USP47: variants seen among roughly 807,000 people sequenced by gnomAD.
USP47 encodes ubiquitin specific peptidase 47, also known as ubiquitin carboxyl-terminal hydrolase 47.
A neutral mutation model predicts 165.1 loss-of-function variants in USP47; 35 were observed. The observed-to-expected ratio is 0.21, with a 90% CI of 0.16 to 0.28. The LOEUF (loss-of-function observed/expected upper bound fraction) is 0.28. Ranked by LOEUF, USP47 falls within the 10% of genes least tolerant of loss-of-function variation. The pLI, the probability that USP47 is intolerant of heterozygous loss-of-function variation, is 1.00. For missense variants in USP47, 1,277 were observed against 1,607.4 expected (o/e 0.79, Z 3.52); for synonymous variants, 531 against 544.5 (o/e 0.98, Z 0.35).
chr11:11,880,414 A>AT, intron 2 of USP47, 34 bp downstream of exon 2: 7 of 1,258,908 alleles, frequency 5.6e-6, no homozygotes, highest in Non-Finnish European at 7.0e-6. Context: ...TAAAAATGTT[A>AT]TTATAGCCAT....
At chr11:11,894,695 C>T (rs1851740498) in intron 4 of USP47, among the ~76,000 whole-genome samples, 1 of 152,324 alleles carries the variant, frequency 6.6e-6, no homozygotes, top group South Asian at 2.1e-4. Flanking sequence ...ATTTACAGAA[C>T]TCCTACTGTG....
chr11:11,873,880 C>A lies in USP47; in HGVS notation c.40-6297C>A, dbSNP rs1850229245. On this transcript the variant is annotated intron_variant, in intron 1 of 27. Transcript: ENST00000527733. ...TACAGGTAGACTGCTGATGTAATTG[C>A]TTTAATGTGATAATCAGCAGAGCAA... 14 of 1,406,556 alleles carry A rather than the reference C, an allele frequency of 1.0e-5. No homozygotes were observed. The South Asian group carries it at 1.2e-4, about 12-fold the overall frequency. 87.1% of individuals were successfully genotyped at this position (1,406,556 alleles called of 1,614,324 possible).
intron 1 of USP47, among the ~76,000 whole-genome samples, chr11:11,868,945 G>A (rs1441662415): frequency 6.6e-6 from 1 of 151,828 alleles, no homozygotes; most frequent in African/African-American, 2.4e-5. Flanking sequence ...GTCTTTTCAT[G>A]ATTTTTGTCT....
At chr11:11,908,717 A>C (rs570022915) in intron 8 of USP47, among the ~76,000 whole-genome samples, 66 of 151,934 alleles carry the variant, frequency 4.3e-4, no homozygotes, top group African/African-American at 1.6e-3. Flanking sequence ...TATTATAATA[A>C]TTTCTTTTTT....
At position 11,886,087 on chromosome 11, in the gene USP47, A is replaced by G. The variant is rs547630654; in HGVS notation, c.357+1507A>G. On this transcript the variant is annotated intron_variant, in intron 3 of 27. Coordinates refer to ENST00000527733, the MANE Select transcript of USP47 (RefSeq NM_001282659.2). The stretch of plus-strand genomic sequence containing the variant: ...ACAGAAAAGACCCCACACAATCCCT[A>G]TTCAAAGGTCAGCAACCTCTAAGAT... Among the ~76,000 whole-genome samples the G allele has an allele frequency of 2.6e-5, 4 of 152,338 alleles. No individual in the cohort carries two copies. The South Asian group carries it at 8.3e-4, about 32-fold the overall frequency.
At chr11:11,855,253 T>G (rs897125821) in intron 1 of USP47, among the ~76,000 whole-genome samples, 2 of 152,240 alleles carry the variant, frequency 1.3e-5, no homozygotes, top group Non-Finnish European at 2.9e-5. Flanking sequence ...TTCTTGTTTA[T>G]TAGGATTCAG....
At chr11:11,948,604 AC>A (rs745512607) in intron 22 of USP47, 46 bp downstream of exon 22, 1 of 1,485,812 alleles carries the variant, frequency 6.7e-7, no homozygotes, top group Non-Finnish European at 9.3e-7. Flanking sequence ...TTTTACAGTT[AC>A]TGAAAACATA....
intron 1 of USP47, chr11:11,873,814 A>T (rs745328689): frequency 2.6e-5 from 39 of 1,488,942 alleles, no homozygotes; most frequent in Non-Finnish European, 2.8e-5. Flanking sequence ...TGTTTTGGAG[A>T]TGCAGACAAA....
chr11:11,890,396 C>T (rs1327432656), intron 3 of USP47, among the ~76,000 whole-genome samples: 1 of 152,118 alleles, frequency 6.6e-6, no homozygotes, highest in Non-Finnish European at 1.5e-5. Flanking sequence ...CATGGACAGA[C>T]ATTTCTCAAA....
chr11:11,850,443 G>T (rs1848662488), intron 1 of USP47, among the ~76,000 whole-genome samples: 1 of 143,804 alleles, frequency 7.0e-6, no homozygotes. Flanking sequence ...TTTTATGGAT[G>T]CAGTGTCTTA....
At chr11:11,917,899 A>C (rs1245645815) in intron 8 of USP47, among the ~76,000 whole-genome samples, 1 of 152,152 alleles carries the variant, frequency 6.6e-6, no homozygotes, top group Non-Finnish European at 1.5e-5. Context: ...TTGGTTCAGA[A>C]AGCAAACATT....
intron 7 of USP47, 128 bp from the exon 8 acceptor site, chr11:11,905,271 A>G (rs1297350904): frequency 5.4e-6 from 2 of 367,252 alleles, no homozygotes; most frequent in Non-Finnish European, 4.4e-6. Context: ...ATAAATATTA[A>G]TGTTTTCAAA....
chr11:11,905,106 T>G (rs1852471725), intron 7 of USP47, among the ~76,000 whole-genome samples: 1 of 151,944 alleles, frequency 6.6e-6, no homozygotes, highest in South Asian at 2.1e-4. Context: ...TTCGGTTTTC[T>G]CATGATGAAT....
intron 10 of USP47, 97 bp downstream of exon 10, chr11:11,920,591 G>A (rs905589608): frequency 1.5e-5 from 17 of 1,129,416 alleles, no homozygotes; most frequent in Admixed American, 3.4e-5. Context: ...GATGTCATTT[G>A]GACTGTCTTC....
At chr11:11,919,685 T>C (rs886134707) in intron 8 of USP47, among the ~76,000 whole-genome samples, 1 of 151,956 alleles carries the variant, frequency 6.6e-6, no homozygotes, top group African/African-American at 2.4e-5. Flanking sequence ...ATCCTAACTA[T>C]GGCGATTAAG....
chr11:11,926,407 T>G (rs1473556889), intron 11 of USP47, among the ~76,000 whole-genome samples: 4 of 152,146 alleles, frequency 2.6e-5, no homozygotes, highest in African/African-American at 9.6e-5. Context: ...TCAGCCTTCA[T>G]AAGCTGTTAA....
In USP47 at chr11:11,942,514, T is replaced by G; in HGVS notation, c.2493T>G (p.Asn831Lys). Residue 831 changes from asparagine to lysine, a missense_variant, in exon 20 of 28, where the codon AAT becomes AAG. By Grantham distance (94) the Asn-to-Lys change is moderately conservative. This residue lies in a region of USP47 where 909 missense variants were observed against 1,068.1 expected (regional missense o/e 0.85). Coordinates refer to ENST00000527733, the MANE Select transcript of USP47 (RefSeq NM_001282659.2). ...AGAAAGCTGGAGGCGATTCTGGTAA[T>G]GTGGATGATGACTGTGAAAGAGTCA... ...AYQKAGGDSGNVDDDCERVKG... is the reference protein window; with the variant it reads ...AYQKAGGDSGKVDDDCERVKG... 2 of 1,613,556 alleles carry G rather than the reference T, an allele frequency of 1.2e-6. No homozygotes were observed. Among genetic ancestry groups the G allele is most frequent in the Admixed American group, 3.3e-5 (2 of 59,886 alleles).
chr11:11,849,775 T>G (rs1848625232), intron 1 of USP47, among the ~76,000 whole-genome samples: 1 of 152,230 alleles, frequency 6.6e-6, no homozygotes, highest in South Asian at 2.1e-4. Flanking sequence ...CTTTGTTTAC[T>G]TTCTCATTTT....
intron 8 of USP47, 45 bp downstream of exon 8, chr11:11,905,593 A>C: frequency 1.3e-6 from 2 of 1,527,860 alleles, no homozygotes; most frequent in Non-Finnish European, 1.8e-6. Flanking sequence ...TACACAGAAT[A>C]CATAATAGCA....
Sources: gnomAD v4.1 joint callset for allele counts (sites outside exome capture counted in the v4.1 genomes callset) on GRCh38, gnomAD v4.1.1 for gene constraint, gnomAD v4.1.1 regional missense constraint, MANE v1.5 for transcripts, NCBI Gene and HGNC (gene_info 2026-07-23, HGNC 2026-07-21) for gene names.